DCC: variants seen among roughly 807,000 people sequenced by gnomAD.
DCC encodes the protein DCC netrin 1 receptor, also known as netrin receptor DCC.
In DCC, 58 loss-of-function variants were observed where a neutral mutation model predicts 172.5. The ratio of observed to expected loss-of-function variants is 0.34; its 90% CI spans 0.27 to 0.42. DCC has a LOEUF of 0.42. Among genes scored for constraint, DCC ranks in the 10% least tolerant of loss-of-function variants. DCC has a pLI of 1.00. For synonymous variants in DCC, 709 were observed against 644.5 expected, an observed-to-expected ratio of 1.10 and a Z score of -1.52; for missense variants, 1,740 against 1,791.0, an observed-to-expected ratio of 0.97 and a Z score of 0.51.
At chr18:52,688,747 T>C (rs1022616165) in intron 1 of DCC, among the ~76,000 whole-genome samples, 3 of 152,122 alleles carry the variant, frequency 2.0e-5, no homozygotes, top group Admixed American at 6.6e-5. Flanking sequence ...TACCATCACA[T>C]GTTATACCTT....
chr18:52,500,916 A>C (rs2030993253), intron 1 of DCC, among the ~76,000 whole-genome samples: 2 of 152,180 alleles, frequency 1.3e-5, no homozygotes, highest in South Asian at 4.1e-4. Flanking sequence ...AATGTACACA[A>C]AGCATTTGAC....
chr18:53,177,757 A>G (rs1284372040), intron 8 of DCC, among the ~76,000 whole-genome samples: 2 of 152,168 alleles, frequency 1.3e-5, no homozygotes, highest in Non-Finnish European at 2.9e-5. Context: ...AGACTCAGTC[A>G]CAAGGCCTCA....
chr18:52,621,573 C>A (rs2034480529), intron 1 of DCC, among the ~76,000 whole-genome samples: 1 of 152,186 alleles, frequency 6.6e-6, no homozygotes, highest in Non-Finnish European at 1.5e-5. Flanking sequence ...AGCAGATGAA[C>A]AACTAGCAAA....
intron 5 of DCC, among the ~76,000 whole-genome samples, chr18:53,005,922 A>G (rs1376095056): frequency 2.0e-5 from 3 of 152,110 alleles, no homozygotes; most frequent in East Asian, 3.9e-4. Context: ...ATGTTGGAAC[A>G]TGGGTTGGAA....
intron 1 of DCC, among the ~76,000 whole-genome samples, chr18:52,377,088 T>A (rs1985381451): frequency 6.6e-6 from 1 of 152,208 alleles, no homozygotes; most frequent in African/African-American, 2.4e-5. Flanking sequence ...CCTATTGCAA[T>A]GCTCTTTGAG....
intron 25 of DCC, among the ~76,000 whole-genome samples, chr18:53,484,078 A>G (rs1258768943): frequency 6.6e-6 from 1 of 151,868 alleles, no homozygotes; most frequent in Non-Finnish European, 1.5e-5. Flanking sequence ...CAATCACTGA[A>G]CAATTTGAAC....
At chr18:52,836,522 A>T (rs1361685378) in intron 2 of DCC, among the ~76,000 whole-genome samples, 2 of 152,206 alleles carry the variant, frequency 1.3e-5, no homozygotes, top group African/African-American at 4.8e-5. Context: ...AAAACAAAGG[A>T]GCTACAGTCT....
intron 26 of DCC, among the ~76,000 whole-genome samples, chr18:53,491,919 C>G (rs1263698416): frequency 6.6e-6 from 1 of 152,202 alleles, no homozygotes; most frequent in East Asian, 1.9e-4. Context: ...CTAATTTACA[C>G]TCCAACCAAC....
At position 52,925,366 on chromosome 18, in the gene DCC, C is replaced by G. The variant is rs147124029; in HGVS notation, c.981C>G (p.Val327=). The change falls in exon 5 of 29, where the codon GTC becomes GTG. Residue 327 remains valine, a synonymous_variant. Coordinates refer to ENST00000442544, the MANE Select transcript of DCC (RefSeq NM_005215.4). The part of the protein sequence containing the change: ...ENISASAELT[V]LVPPWFLNHP... ...TTAGTGCCTCTGCAGAGCTCACAGT[C>G]TTGGGTAAGTTAGTGGCTGGAGATG... The G allele has an allele frequency of 6.8e-6, 11 of 1,611,984 alleles. No individual in the cohort carries two copies. In the African/African-American group the frequency reaches 1.2e-4, roughly 18 times the overall value.
chr18:52,940,751 A>G (rs886506594), intron 5 of DCC, among the ~76,000 whole-genome samples: 5 of 152,242 alleles, frequency 3.3e-5, no homozygotes, highest in Admixed American at 2.0e-4. Context: ...CTAGAAGAAA[A>G]GATATCTTAA....
At chr18:52,590,925 G>A (rs979007642) in intron 1 of DCC, among the ~76,000 whole-genome samples, 1 of 152,066 alleles carries the variant, frequency 6.6e-6, no homozygotes, top group Non-Finnish European at 1.5e-5. Flanking sequence ...ACACACTGTC[G>A]ATTACAAGTA....
chr18:52,718,757 C>A (rs1400539372), intron 1 of DCC, among the ~76,000 whole-genome samples: 1 of 152,082 alleles, frequency 6.6e-6, no homozygotes, highest in Non-Finnish European at 1.5e-5. Flanking sequence ...ATTCTCTAGG[C>A]GTTTATAGAC....
chr18:52,524,827 C>T (rs150842524), intron 1 of DCC, among the ~76,000 whole-genome samples: 29 of 152,094 alleles, frequency 1.9e-4, no homozygotes, highest in African/African-American at 6.7e-4. Context: ...TATCAGATAG[C>T]ATATAATAGA....
At chr18:52,606,452 A>G (rs2034132703) in intron 1 of DCC, among the ~76,000 whole-genome samples, 2 of 152,180 alleles carry the variant, frequency 1.3e-5, no homozygotes, top group African/African-American at 2.4e-5. Context: ...TTAGTACTCT[A>G]TGGAAAGAAA....
At chr18:52,555,119 A>G (rs971625225) in intron 1 of DCC, among the ~76,000 whole-genome samples, 1 of 152,064 alleles carries the variant, frequency 6.6e-6, no homozygotes, top group Admixed American at 6.6e-5. Flanking sequence ...GTGTTGTGCT[A>G]GCTGGCTTTT....
At chr18:53,043,490 C>A (rs556928840) in intron 5 of DCC, among the ~76,000 whole-genome samples, 7 of 151,864 alleles carry the variant, frequency 4.6e-5, no homozygotes, top group Non-Finnish European at 8.8e-5. Flanking sequence ...ACAAGAGGAC[C>A]AGGAAGAAAT....
chr18:52,748,610 T>C (rs2145126647), intron 1 of DCC, among the ~76,000 whole-genome samples: 1 of 152,290 alleles, frequency 6.6e-6, no homozygotes, highest in Admixed American at 6.5e-5. Flanking sequence ...GGGTGGCCAC[T>C]CGGGCAGCAG....
chr18:53,259,902 G>GTTCAT (rs200334180), intron 12 of DCC, among the ~76,000 whole-genome samples: 133,273 of 151,528 alleles, frequency 0.88, 58,770 homozygotes, highest in Middle Eastern at 0.93. Context: ...TGGAGGCTTT[G>GTTCAT]TTCTTTTTCT....
intron 12 of DCC, among the ~76,000 whole-genome samples, chr18:53,238,745 T>C (rs753348873): frequency 2.6e-5 from 4 of 151,972 alleles, no homozygotes; most frequent in Non-Finnish European, 5.9e-5. Flanking sequence ...AAAAGTGAAA[T>C]TGAAAAATGC....
Sources: gnomAD v4.1 joint callset for allele counts (sites outside exome capture counted in the v4.1 genomes callset) on GRCh38, gnomAD v4.1.1 for gene constraint, MANE v1.5 for transcripts, NCBI Gene and HGNC (gene_info 2026-07-23, HGNC 2026-07-21) for gene names.